Variants in TSPAN15 observed in about 807,000 individuals in gnomAD.
TSPAN15 encodes tetraspanin-15.
In TSPAN15, 20 loss-of-function variants were observed where a neutral mutation model predicts 34.5. That is an observed-to-expected ratio of 0.58 (90% CI 0.41 to 0.84). The LOEUF is 0.84. Among genes scored for constraint, TSPAN15 ranks in the 40% least tolerant of loss-of-function variants. TSPAN15 has a pLI of 0.00. For synonymous variants in TSPAN15, 155 were observed against 153.9 expected, an observed-to-expected ratio of 1.01 and a Z score of -0.05; for missense variants, 313 against 386.1, an observed-to-expected ratio of 0.81 and a Z score of 1.59.
intron 1 of TSPAN15, among the ~76,000 whole-genome samples, chr10:69,455,679 A>G (rs536608087): frequency 5.9e-5 from 8 of 135,494 alleles, no homozygotes; most frequent in Non-Finnish European, 6.1e-5. Context: ...GAACAGTGAC[A>G]CAGTGAGTAT....
intron 1 of TSPAN15, among the ~76,000 whole-genome samples, chr10:69,465,371 A>G (rs1841362004): frequency 6.6e-6 from 1 of 152,044 alleles, no homozygotes; most frequent in Non-Finnish European, 1.5e-5. Context: ...TTTCTACAGT[A>G]TTTTCCTTCT....
the TSPAN15 span, among the ~76,000 whole-genome samples, chr10:69,529,120 A>G: frequency 6.7e-6 from 1 of 148,312 alleles, no homozygotes; most frequent in South Asian, 2.1e-4. Flanking sequence ...GAAGCCAGGC[A>G]GTGGGAGCAG....
At chr10:69,514,443 T>C in the TSPAN15 span, among the ~76,000 whole-genome samples, 1 of 152,224 alleles carries the variant, frequency 6.6e-6, no homozygotes, top group African/African-American at 2.4e-5. Flanking sequence ...TATTTCTTCT[T>C]TAAAAGTTTG....
At chr10:69,528,276 T>A in the TSPAN15 span, among the ~76,000 whole-genome samples, 1 of 148,502 alleles carries the variant, frequency 6.7e-6, no homozygotes, top group Non-Finnish European at 1.5e-5. Flanking sequence ...GAATGCAGTG[T>A]CACCTGGAAA....
the TSPAN15 span, among the ~76,000 whole-genome samples, chr10:69,534,415 G>A: frequency 7.5e-4 from 114 of 152,308 alleles, 1 homozygote; most frequent in Middle Eastern, 0.02. Flanking sequence ...ATGGTTATAT[G>A]ATCTGATTGT....
the TSPAN15 span, among the ~76,000 whole-genome samples, chr10:69,537,842 G>A: frequency 6.6e-6 from 1 of 151,830 alleles, no homozygotes; most frequent in Non-Finnish European, 1.5e-5. Context: ...TGGATCCTGA[G>A]GGTGGGGACT....
Position 69,496,329 on chromosome 10 carries a change from TAATA to T in TSPAN15, c.453+642_453+645del, listed in dbSNP as rs1186801688. Among the ~76,000 whole-genome samples, 61 of 74,400 alleles carry T rather than the reference TAATA, an allele frequency of 8.2e-4. No individual in the cohort carries two copies. In the Middle Eastern group the frequency reaches 0.039, roughly 48 times the overall value. 48.8% of individuals were successfully genotyped at this position (74,400 alleles called of 152,430 possible). ...CCCAAATCTGTTGGTGCAATAATAA[TAATA>T]ATAATAATAATAATAATAATAATAA... On this transcript the variant is annotated intron_variant, in intron 4 of 7. Transcript: ENST00000373290.
intron 3 of TSPAN15, among the ~76,000 whole-genome samples, chr10:69,485,518 C>T (rs928952436): frequency 6.6e-6 from 1 of 151,800 alleles, no homozygotes; most frequent in Non-Finnish European, 1.5e-5. Context: ...AGCAAAACAG[C>T]GTGGAGGCCA....
chr10:69,541,857 A>G, the TSPAN15 span, among the ~76,000 whole-genome samples: 2 of 152,084 alleles, frequency 1.3e-5, no homozygotes, highest in East Asian at 3.9e-4. Context: ...CCCCCAAACC[A>G]TTTTTCCCTC....
At chr10:69,493,342 C>T (rs1164615242) in intron 3 of TSPAN15, among the ~76,000 whole-genome samples, 2 of 152,234 alleles carry the variant, frequency 1.3e-5, no homozygotes, top group Admixed American at 6.5e-5. Context: ...CAGGAGCCTG[C>T]ATCTCCTCTC....
chr10:69,476,583 T>C (rs1392336515), intron 1 of TSPAN15, among the ~76,000 whole-genome samples: 2 of 144,900 alleles, frequency 1.4e-5, no homozygotes, highest in East Asian at 4.0e-4. Context: ...AAAAAAAAAG[T>C]AACAAAAGCA....
rs182456928 is a variant in TSPAN15 at position 69,475,523 on chromosome 10, C to T, written c.97-8168C>T. Among the ~76,000 whole-genome samples the T allele has an allele frequency of 1.3e-3, 202 of 152,266 alleles. 1 individual carries two copies. The highest frequency in any genetic ancestry group is 9.1e-4 in the Non-Finnish European group (62 of 68,018). On this transcript the variant is annotated intron_variant, in intron 1 of 7. Transcript: ENST00000373290. ...CCTGTCCCCAAACTCTTCCCCAAAA[C>T]AGCCCAGGGCATGCCATCCCCACTC...
At chr10:69,493,457 C>G (rs1437519539) in intron 3 of TSPAN15, among the ~76,000 whole-genome samples, 2 of 151,042 alleles carry the variant, frequency 1.3e-5, no homozygotes, top group Non-Finnish European at 2.9e-5. Flanking sequence ...GCCAGTTTCT[C>G]CGAGCCCATC....
chr10:69,452,567 G>T (rs1840997401), intron 1 of TSPAN15, among the ~76,000 whole-genome samples: 1 of 152,068 alleles, frequency 6.6e-6, no homozygotes, highest in African/African-American at 2.4e-5. Context: ...AAATAGGCCG[G>T]GTATGGTGCC....
chr10:69,464,652 G>A (rs913458144), intron 1 of TSPAN15, among the ~76,000 whole-genome samples: 2 of 152,198 alleles, frequency 1.3e-5, no homozygotes, highest in East Asian at 1.9e-4. Flanking sequence ...GAACAGGAGC[G>A]TCACCCATTG....
the TSPAN15 span, among the ~76,000 whole-genome samples, chr10:69,531,561 T>C: frequency 4.6e-5 from 7 of 152,122 alleles, no homozygotes; most frequent in Admixed American, 2.6e-4. Context: ...ATTGTGCCAC[T>C]GCACTCCAGC....
At chr10:69,513,749 T>C in the TSPAN15 span, among the ~76,000 whole-genome samples, 1 of 152,258 alleles carries the variant, frequency 6.6e-6, no homozygotes, top group African/African-American at 2.4e-5. Flanking sequence ...TTGAGTTAAT[T>C]TTCTAATATG....
At chr10:69,496,329 T>C (rs1420391795) in intron 4 of TSPAN15, among the ~76,000 whole-genome samples, 4 of 74,374 alleles carry the variant, frequency 5.4e-5, no homozygotes, top group African/African-American at 2.1e-4. Context: ...GCAATAATAA[T>C]AATAATAATA....
chr10:69,487,599 C>T (rs1362040375), intron 3 of TSPAN15, among the ~76,000 whole-genome samples: 1 of 152,258 alleles, frequency 6.6e-6, no homozygotes, highest in Non-Finnish European at 1.5e-5. Flanking sequence ...GCAGCGTCCA[C>T]GGCCTTCATA....
Sources: allele counts gnomAD v4.1 joint callset (sites outside exome capture counted in the v4.1 genomes callset), GRCh38; gene constraint gnomAD v4.1.1; transcripts MANE v1.5; gene names NCBI Gene and HGNC (gene_info 2026-07-23, HGNC 2026-07-21).